The following SASH1 variants were observed in gnomAD, a reference collection of about 807,000 sequenced individuals.
SASH1 encodes SAM and SH3 domain containing 1.
SASH1 carries 44 observed loss-of-function variants against 125.2 expected under a neutral mutation model. The ratio of observed to expected loss-of-function variants is 0.35; its 90% confidence interval spans 0.28 to 0.45. SASH1 has a LOEUF of 0.45. Ranked by LOEUF, SASH1 falls within the 20% of genes least tolerant of loss-of-function variation. The pLI is 1.00. For missense variants in SASH1, 1,426 were observed against 1,614.5 expected (o/e 0.88, Z 2.00); for synonymous variants, 639 against 649.1 (o/e 0.98, Z 0.24).
rs1392385798 is a variant in SASH1 at position 148,344,760 on chromosome 6, T to TTTTC, written c.156+1540_156+1541insCTTT. Among the ~76,000 whole-genome samples the TTTTC allele has an allele frequency of 1.5e-3, 223 of 147,796 alleles. 1 individual carries two copies. The highest frequency in any genetic ancestry group is 7.0e-3 in the Middle Eastern group (2 of 284). On this transcript the variant is annotated intron_variant, in intron 1 of 19. Transcript: ENST00000367467. ...TGTGATAAACTTTTTCTTTTCTTTTTTTTTTTTTTTTTTGAGACGAAGTCT... is the reference window on the plus strand; with the variant it reads ...TGTGATAAACTTTTTCTTTTCTTTTTTTTCTTTTTTTTTTTTTGAGACGAAGTCT...
At chr6:148,230,562 C>A in the SASH1 span, among the ~76,000 whole-genome samples, 19 of 152,164 alleles carry the variant, frequency 1.2e-4, no homozygotes, top group Non-Finnish European at 2.6e-4. Context: ...CATTGTTAGA[C>A]ATTGTCGAAT....
At chr6:148,425,918 A>C (rs1371918921) in intron 2 of SASH1, among the ~76,000 whole-genome samples, 1 of 151,900 alleles carries the variant, frequency 6.6e-6, no homozygotes, top group Non-Finnish European at 1.5e-5. Flanking sequence ...ACTTTAAAAG[A>C]ATACTTCTGG....
intron 11 of SASH1, 32 bp from the exon 12 acceptor site, chr6:148,527,420 GA>G: frequency 6.5e-7 from 1 of 1,534,648 alleles, no homozygotes; most frequent in African/African-American, 1.4e-5. Flanking sequence ...CATTTTCTGC[GA>G]CCAACAATAC....
intron 1 of SASH1, among the ~76,000 whole-genome samples, chr6:148,357,817 TG>T (rs1782004461): frequency 1.3e-5 from 2 of 152,126 alleles, no homozygotes; most frequent in South Asian, 4.1e-4. Flanking sequence ...CCCAGCATTT[TG>T]GGAGACTGAG....
chr6:148,465,491 C>T (rs1198484011), intron 4 of SASH1, among the ~76,000 whole-genome samples: 5 of 149,634 alleles, frequency 3.3e-5, no homozygotes, highest in Admixed American at 6.7e-5. Flanking sequence ...TGCAGTGAGC[C>T]GAGATCGCAT....
the SASH1 span, among the ~76,000 whole-genome samples, chr6:148,265,594 G>A: frequency 1.3e-4 from 20 of 152,194 alleles, no homozygotes; most frequent in East Asian, 1.2e-3. Flanking sequence ...TATGCTCAGC[G>A]TTTTGCAAAC....
intron 1 of SASH1, among the ~76,000 whole-genome samples, chr6:148,378,357 ATTT>A: frequency 7.5e-6 from 1 of 134,122 alleles, no homozygotes; most frequent in Middle Eastern, 4.8e-3. Flanking sequence ...CCCGGCCACA[ATTT>A]TTTTTTTTTT....
In SASH1 at chr6:148,519,416, C is replaced by G; in HGVS notation, c.863-131C>G. Reference sequence around the variant, plus strand: ...ATTTGCACAGTGTATTTTCATTTTTCTGTACATATGTAAGTGGGAGCTGGG... The same window carrying G: ...ATTTGCACAGTGTATTTTCATTTTTGTGTACATATGTAAGTGGGAGCTGGG... On this transcript the variant is annotated intron_variant, in intron 9 of 19. Coordinates refer to ENST00000367467, the MANE Select transcript of SASH1 (RefSeq NM_015278.5). This position sits in a 1 kb window ranked among gnomAD's most constrained non-coding sequence, Gnocchi z 4.8. The G allele has an allele frequency of 1.5e-6, 1 of 647,210 alleles. No individual in the cohort carries two copies. The highest frequency in any genetic ancestry group is 2.7e-6 in the Non-Finnish European group (1 of 365,640). 40.1% of individuals were successfully genotyped at this position (647,210 alleles called of 1,614,324 possible). A position where few individuals can be genotyped will look rare whatever the true frequency, so the allele number is the denominator to read the frequency against.
At chr6:148,314,331 T>C (rs1471717856) in intron 1 of SASH1, among the ~76,000 whole-genome samples, 2 of 152,238 alleles carry the variant, frequency 1.3e-5, no homozygotes, top group African/African-American at 4.8e-5. Flanking sequence ...AGAATACTTT[T>C]GTTTATACAA....
chr6:148,390,170 C>G lies in SASH1; in HGVS notation c.193C>G (p.Gln65Glu). 2 of 1,613,672 alleles carry G rather than the reference C, an allele frequency of 1.2e-6. No homozygotes were observed. The highest frequency in any genetic ancestry group is 1.7e-6 in the Non-Finnish European group (2 of 1,179,812). The change falls in exon 2 of 20, where the codon CAG (glutamine) becomes GAG (glutamate). Residue 65 changes from glutamine (Q) to glutamate (E), a missense_variant. By Grantham distance (29) the Gln-to-Glu change is conservative. Transcript: ENST00000367467. ...SLGNIDDLAQ[Q>E]YADYYNTCFS... ...GGGAAACATCGATGACCTGGCGCAGCAGTATGCAGATTATTACAACACCTG... is the reference window on the plus strand; with the variant it reads ...GGGAAACATCGATGACCTGGCGCAGGAGTATGCAGATTATTACAACACCTG...
chr6:148,547,627 C>T (rs950232048), intron 19 of SASH1, among the ~76,000 whole-genome samples: 1 of 152,074 alleles, frequency 6.6e-6, no homozygotes, highest in African/African-American at 2.4e-5. Context: ...TCTTTGTAGA[C>T]TTTAAAGGTT....
chr6:148,490,744 T>C (rs1194135528), intron 8 of SASH1, among the ~76,000 whole-genome samples: 1 of 152,232 alleles, frequency 6.6e-6, no homozygotes, highest in Non-Finnish European at 1.5e-5. Flanking sequence ...TTGAAAACGC[T>C]GATGGTTTTC....
At position 148,525,360 on chromosome 6, in the gene SASH1, C is replaced by A; in HGVS notation, c.1279C>A (p.Pro427Thr). 6.2e-7 allele frequency: 1 copy of A among 1,612,938 alleles called. No homozygotes were observed. The highest frequency in any genetic ancestry group is 8.5e-7 in the Non-Finnish European group (1 of 1,179,020). Residue 427 changes from proline (P) to threonine (T), a missense_variant, in exon 11 of 20, where the codon CCA becomes ACA. Coordinates refer to ENST00000367467, the MANE Select transcript of SASH1 (RefSeq NM_015278.5). The part of the protein sequence containing the change: ...SLHVGSNNSD[P>T]MGKEGDFVYK... ...GCACGTTGGCAGTAATAATTCTGAC[C>A]CAATGGTGAGTAACATCAGAGGAAA...
At chr6:148,444,921 T>C (rs558163196) in intron 4 of SASH1, among the ~76,000 whole-genome samples, 1 of 152,220 alleles carries the variant, frequency 6.6e-6, no homozygotes, top group African/African-American at 2.4e-5. Flanking sequence ...AAGGGGTGAA[T>C]TATTTATGAG....
intron 1 of SASH1, among the ~76,000 whole-genome samples, chr6:148,358,971 G>A (rs1244029076): frequency 6.6e-6 from 1 of 151,960 alleles, no homozygotes; most frequent in Non-Finnish European, 1.5e-5. Flanking sequence ...TCCTGACCTT[G>A]TGATCCGCCT....
intron 17 of SASH1, among the ~76,000 whole-genome samples, chr6:148,543,128 A>G (rs1782331779): frequency 1.3e-5 from 2 of 152,182 alleles, no homozygotes; most frequent in Admixed American, 6.5e-5. Context: ...AGTACTCACA[A>G]AAGTTTACCT....
chr6:148,233,740 T>TAAAAAAAAAAAAAAAAA, the SASH1 span, among the ~76,000 whole-genome samples: 1 of 11,698 alleles, frequency 8.5e-5, no homozygotes, highest in Non-Finnish European at 1.3e-4. Context: ...GCTTCCTCTC[T>TAAAAAAAAAAAAAAAAA]ACAAAAAAAA....
chr6:148,436,892 G>A (rs1245256034), intron 2 of SASH1, among the ~76,000 whole-genome samples: 1 of 152,234 alleles, frequency 6.6e-6, no homozygotes, highest in Non-Finnish European at 1.5e-5. Context: ...AACAGTCGGT[G>A]TATGTTAGGG....
chr6:148,418,973 C>G (rs1421488674), intron 2 of SASH1, among the ~76,000 whole-genome samples: 1 of 152,156 alleles, frequency 6.6e-6, no homozygotes, highest in Non-Finnish European at 1.5e-5. Flanking sequence ...ACTCCCCTCC[C>G]ATCTCCTGTC....
Sources: allele counts gnomAD v4.1 joint callset (sites outside exome capture counted in the v4.1 genomes callset), GRCh38; gene constraint gnomAD v4.1.1; non-coding constraint Gnocchi (gnomAD v3.1); transcripts MANE v1.5; gene names NCBI Gene and HGNC (gene_info 2026-07-23, HGNC 2026-07-21).